Variants in ACADM observed in about 807,000 individuals in gnomAD.
The protein encoded by ACADM is medium-chain specific acyl-CoA dehydrogenase, mitochondrial.
ACADM carries 49 observed loss-of-function variants against 58.9 expected under a neutral mutation model. The observed-to-expected ratio is 0.83, with a 90% CI of 0.66 to 1.06. The LOEUF is 1.06. ACADM is among the 50% of genes least tolerant of loss of function. The pLI is 0.00. For missense variants in ACADM, 496 were observed against 507.0 expected, an observed-to-expected ratio of 0.98 and a Z score of 0.21; for synonymous variants, 160 against 157.7, an observed-to-expected ratio of 1.01 and a Z score of -0.11.
At chr1:75,759,656 C>CTTTTTTT (rs34394777) in intron 10 of ACADM, among the ~76,000 whole-genome samples, 20 of 87,560 alleles carry the variant, frequency 2.3e-4, no homozygotes, top group East Asian at 8.3e-4. Context: ...TAGCAACTTT[C>CTTTTTTT]TTTTTTTTTT....
chr1:75,731,130 T>A (rs1647141445), intron 2 of ACADM, among the ~76,000 whole-genome samples: 2 of 150,648 alleles, frequency 1.3e-5, no homozygotes, highest in South Asian at 4.2e-4. Flanking sequence ...AAAAAAAAAA[T>A]TAGCCGGGCG....
intron 7 of ACADM, among the ~76,000 whole-genome samples, chr1:75,745,306 G>T (rs774788447): frequency 2.0e-5 from 3 of 152,068 alleles, no homozygotes; most frequent in Non-Finnish European, 4.4e-5. Context: ...GGGAAAGGTA[G>T]TGAGACTTCA....
In ACADM at chr1:75,761,313, T is replaced by C. The variant is rs1158253888; in HGVS notation, c.1137T>C (p.Asn379=). ...ATDAVQILGG[N]GFNTEYPVEK... ...ATGCTGTGCAGATACTTGGAGGCAA[T>C]GGATTTAATACAGAATATCCTGTAG... Residue 379 remains asparagine, a synonymous_variant, in exon 11 of 12, where the codon AAT becomes AAC. Transcript: ENST00000370841. The C allele has an allele frequency of 6.2e-7, 1 of 1,614,008 alleles. No homozygotes were observed. Among genetic ancestry groups the C allele is most frequent in the African/African-American group, 1.3e-5 (1 of 75,052 alleles).
At chr1:75,748,211 G>A (rs558840326) in intron 8 of ACADM, among the ~76,000 whole-genome samples, 27 of 152,266 alleles carry the variant, frequency 1.8e-4, no homozygotes, top group African/African-American at 6.5e-4. Flanking sequence ...TAAAGCAAAT[G>A]TATCAAAATG....
chr1:75,741,340 A>G lies in ACADM; in HGVS notation c.599+1230A>G, dbSNP rs140869640. 2.7e-4 allele frequency among the ~76,000 whole-genome samples: 41 copies of G among 152,368 alleles called. No homozygotes were observed. The East Asian group carries it at 7.5e-3, about 28-fold the overall frequency. On this transcript the variant is annotated intron_variant, in intron 7 of 11. Transcript: ENST00000370841. ...GAGCATCCTAAATATATTCAGTATTATGGAGTGCTATATCTTTACCTTTAA... is the reference window on the plus strand; with the variant it reads ...GAGCATCCTAAATATATTCAGTATTGTGGAGTGCTATATCTTTACCTTTAA...
chr1:75,740,020 C>G lies in ACADM; in HGVS notation c.509C>G (p.Ala170Gly). 6.2e-7 allele frequency: 1 copy of G among 1,612,712 alleles called. No homozygotes were observed. Among genetic ancestry groups the G allele is most frequent in the Non-Finnish European group, 8.5e-7 (1 of 1,178,982 alleles). The change falls in exon 7 of 12, where the codon GCT (alanine) becomes GGT (glycine). Residue 170 changes from alanine (A) to glycine (G), a missense_variant. Transcript: ENST00000370841. ...GAACCTGGAGCAGGCTCTGATGTAGCTGGTATAAAGACCAAAGCAGAAAAG... is the reference window on the plus strand; with the variant it reads ...GAACCTGGAGCAGGCTCTGATGTAGGTGGTATAAAGACCAAAGCAGAAAAG... ...VTEPGAGSDV[A>G]GIKTKAEKKG... is the part of the protein sequence containing the mutation.
Position 75,754,051 on chromosome 1 carries a change from C to T in ACADM, c.945+3505C>T, listed in dbSNP as rs563494230. On this transcript the variant is annotated intron_variant, in intron 10 of 11. Coordinates refer to ENST00000370841, the MANE Select transcript of ACADM (RefSeq NM_000016.6). Reference sequence around the variant, plus strand: ...GCTTGAGTAATCCGCCCATCTTGGTCTCCCAAAGTGCTGGGATTACAGGCA... The same window carrying T: ...GCTTGAGTAATCCGCCCATCTTGGTTTCCCAAAGTGCTGGGATTACAGGCA... Among the ~76,000 whole-genome samples the T allele has an allele frequency of 2.0e-5, 3 of 149,124 alleles. No individual in the cohort carries two copies. The East Asian group carries it at 5.9e-4, about 29-fold the overall frequency.
At position 75,761,424 on chromosome 1, in the gene ACADM, GACA is replaced by G. The variant is rs767409796; in HGVS notation, c.1194+57_1194+59del. The stretch of plus-strand genomic sequence containing the variant: ...GCAAGGAGAGAGAATATTCATAAAT[GACA>G]ACGTGGATTTCTGATTATTTAGAAA... On this transcript the variant is annotated intron_variant, in intron 11 of 11. Transcript: ENST00000370841. 1.3e-4 allele frequency: 200 copies of G among 1,581,698 alleles called. 5 individuals are homozygous for G. The South Asian group carries it at 2.1e-3, about 17-fold the overall frequency.
intron 2 of ACADM, 71 bp from the exon 3 acceptor site, chr1:75,732,573 C>G (rs1304917052): frequency 4.2e-6 from 5 of 1,189,186 alleles, no homozygotes; most frequent in African/African-American, 1.5e-5. Context: ...ATACACATTT[C>G]TACATACTGA....
At chr1:75,759,140 G>A (rs753867511) in intron 10 of ACADM, among the ~76,000 whole-genome samples, 5 of 152,296 alleles carry the variant, frequency 3.3e-5, no homozygotes, top group Non-Finnish European at 4.4e-5. Flanking sequence ...GTAACACCGC[G>A]AAGGTCTGTG....
Position 75,734,826 on chromosome 1 carries a change from A to G in ACADM, c.423A>G (p.Gln141=), listed in dbSNP as rs1570866269. Reference sequence around the variant, plus strand: ...TTATTATTGCTGGAAATGATCAACAAAAGAAGAAGTATTTGGGGAGAATGA... The same window carrying G: ...TTATTATTGCTGGAAATGATCAACAGAAGAAGAAGTATTTGGGGAGAATGA... The part of the protein sequence containing the change: ...MPIIIAGNDQ[Q]KKKYLGRMTE... Residue 141 remains glutamine, a synonymous_variant, in exon 6 of 12, where the codon CAA becomes CAG. Coordinates refer to ENST00000370841, the MANE Select transcript of ACADM (RefSeq NM_000016.6). The G allele has an allele frequency of 1.2e-6, 2 of 1,613,982 alleles. No individual in the cohort carries two copies. The highest frequency in any genetic ancestry group is 1.3e-5 in the African/African-American group (1 of 75,024).
At chr1:75,737,326 ATGAAAC>A (rs1647327574) in intron 6 of ACADM, among the ~76,000 whole-genome samples, 3 of 108,568 alleles carry the variant, frequency 2.8e-5, no homozygotes, top group African/African-American at 1.1e-4. Flanking sequence ...ATATATATAT[ATGAAAC>A]CAAAAAGAAG....
intron 1 of ACADM, among the ~76,000 whole-genome samples, chr1:75,725,172 A>T (rs2100335045): frequency 6.6e-6 from 1 of 152,124 alleles, no homozygotes; most frequent in East Asian, 1.9e-4. Flanking sequence ...AGAAAAATGG[A>T]GCAGCTACTC....
chr1:75,739,825 T>C (rs1037207990), intron 6 of ACADM, among the ~76,000 whole-genome samples, 155 bp from the exon 7 acceptor site: 2 of 152,158 alleles, frequency 1.3e-5, no homozygotes, highest in African/African-American at 2.4e-5. Flanking sequence ...GTTTTTACAT[T>C]TGAGTGGTTT....
chr1:75,734,132 C>T (rs7541058), intron 5 of ACADM, among the ~76,000 whole-genome samples: 44,754 of 149,902 alleles, frequency 0.3, 6,853 homozygotes, highest in Non-Finnish European at 0.33. Context: ...ATTACAAGTG[C>T]GCACCACCAC....
intron 7 of ACADM, chr1:75,743,795 C>A (rs1310369331): frequency 1.3e-6 from 2 of 1,537,582 alleles, no homozygotes; most frequent in African/African-American, 2.7e-5. Flanking sequence ...ACTGGAACCA[C>A]CAGACCCTGT....
At position 75,757,656 on chromosome 1, in the gene ACADM, C is replaced by T. The variant is rs191244568; in HGVS notation, c.946-3466C>T. Reference sequence around the variant, plus strand: ...TGTGGAAGACAGTGTGGCAATTTCTCAAGGATCTAGAACTAGAAATGCCAT... The same window carrying T: ...TGTGGAAGACAGTGTGGCAATTTCTTAAGGATCTAGAACTAGAAATGCCAT... On this transcript the variant is annotated intron_variant, in intron 10 of 11. Coordinates refer to ENST00000370841, the MANE Select transcript of ACADM (RefSeq NM_000016.6). Among the ~76,000 whole-genome samples, 23 of 152,294 alleles carry T rather than the reference C, an allele frequency of 1.5e-4. 1 individual carries two copies. The highest frequency in any genetic ancestry group is 5.3e-4 in the African/African-American group (22 of 41,558).
chr1:75,733,236 A>G (rs1647182753), intron 4 of ACADM: 2 of 1,536,742 alleles, frequency 1.3e-6, no homozygotes, highest in East Asian at 4.7e-5. Context: ...TTTGTGAACC[A>G]TGATTCTTTT....
rs140058462 is a variant in ACADM at position 75,726,861 on chromosome 1, A to G, written c.31-1540A>G. Among the ~76,000 whole-genome samples, 908 of 148,464 alleles carry G rather than the reference A, an allele frequency of 6.1e-3. 12 individuals carry two copies. The highest frequency in any genetic ancestry group is 0.022 in the African/African-American group (871 of 39,796). On this transcript the variant is annotated intron_variant, in intron 1 of 11. Coordinates refer to ENST00000370841, the MANE Select transcript of ACADM (RefSeq NM_000016.6). ...GCTCTGTCACCCAGGCTGGAATGCA[A>G]TGGTGCAGTCTAGGCTCACTGCAAC...
Sources: allele counts gnomAD v4.1 joint callset (sites outside exome capture counted in the v4.1 genomes callset), GRCh38; gene constraint gnomAD v4.1.1; transcripts MANE v1.5; gene names NCBI Gene and HGNC (gene_info 2026-07-23, HGNC 2026-07-21).